The following NPIPB11 variants were observed in gnomAD, a reference collection of about 807,000 sequenced individuals.
The protein encoded by NPIPB11 is nuclear pore complex-interacting protein family member B11.
In NPIPB11, 17 loss-of-function variants were observed where a neutral mutation model predicts 32.8. The ratio of observed to expected loss-of-function variants is 0.52; its 90% CI spans 0.35 to 0.78. The LOEUF (loss-of-function observed/expected upper bound fraction) is 0.78. Among genes scored for constraint, NPIPB11 ranks in the 30% least tolerant of loss-of-function variants. The pLI is 0.01. For synonymous variants in NPIPB11, 209 were observed against 398.4 expected (o/e 0.52, Z 5.66); for missense variants, 537 against 1,000.4 (o/e 0.54, Z 6.25).
intron 5 of NPIPB11, 126 bp downstream of exon 5, chr16:29,389,815 A>C: frequency 6.6e-7 from 1 of 1,506,382 alleles, no homozygotes; most frequent in Non-Finnish European, 8.9e-7. Context: ...AGAAAGGACA[A>C]ACTCAATTTT....
At chr16:29,405,377 T>C (rs1376330958), upstream of NPIPB11, among the ~76,000 whole-genome samples, 1 of 152,116 alleles carries the variant, frequency 6.6e-6, no homozygotes, top group Non-Finnish European at 1.5e-5. Context: ...ATTCATGGTC[T>C]TGGGGACACA....
At chr16:29,393,977 C>A (rs749472192) in exon 3 of NPIPB11, 26 of 1,599,188 alleles carry the variant, frequency 1.6e-5, no homozygotes, top group Non-Finnish European at 2.2e-5. Context: ...AGGGTAATGA[C>A]AACTTTATAA....
intron 3 of NPIPB11, among the ~76,000 whole-genome samples, chr16:29,393,524 A>C (rs1963772615): frequency 6.6e-6 from 1 of 151,776 alleles, no homozygotes; most frequent in African/African-American, 2.4e-5. Flanking sequence ...TGCCTGTTCT[A>C]TGTTTTTCTT....
chr16:29,391,569 C>T (rs1963723456), intron 3 of NPIPB11, among the ~76,000 whole-genome samples: 1 of 150,986 alleles, frequency 6.6e-6, no homozygotes, highest in African/African-American at 2.4e-5. Flanking sequence ...AACATTCTCA[C>T]TAATGACTGA....
upstream of NPIPB11, among the ~76,000 whole-genome samples, chr16:29,406,607 G>A (rs559455389): frequency 7.2e-5 from 11 of 152,268 alleles, no homozygotes; most frequent in South Asian, 2.1e-4. Flanking sequence ...TCAGCTACTC[G>A]GGAGGCTGAG....
chr16:29,394,004 T>C lies in NPIPB11; in HGVS notation c.193A>G (p.Ile65Val). The C allele has an allele frequency of 2.5e-6, 4 of 1,599,374 alleles. No homozygotes were observed. The East Asian group carries it at 6.7e-5, about 27-fold the overall frequency. Reference sequence around the variant, plus strand: ...ACTTTATAACTTGTCGGAAACGCAATAATAATATGTAACCAAGGACTTCCA... The same window carrying C: ...ACTTTATAACTTGTCGGAAACGCAACAATAATATGTAACCAAGGACTTCCA... Residue 65 changes from isoleucine (I) to valine (V), a missense_variant, in exon 3 of 8, where the codon ATT becomes GTT. By Grantham distance (29) the Ile-to-Val change is conservative. Transcript: ENST00000524087.
At chr16:29,404,646 A>G (rs1964071688), upstream of NPIPB11, among the ~76,000 whole-genome samples, 1 of 151,100 alleles carries the variant, frequency 6.6e-6, no homozygotes, top group Non-Finnish European at 1.5e-5. Flanking sequence ...AAGACTGGGT[A>G]GTTCCGGCCT....
intron 2 of NPIPB11, among the ~76,000 whole-genome samples, chr16:29,400,002 A>G (rs3867587): frequency 3.6e-4 from 54 of 151,962 alleles, no homozygotes; most frequent in African/African-American, 1.0e-3. Flanking sequence ...CCTTGAACCC[A>G]GGAGGTGGAG....
chr16:29,397,681 A>G (rs1596681294), intron 2 of NPIPB11: 2 of 882,376 alleles, frequency 2.3e-6, no homozygotes, highest in African/African-American at 3.6e-5. Flanking sequence ...CGTCCAGGAC[A>G]GAGGTGGAGG....
chr16:29,400,907 A>G (rs985006881), intron 2 of NPIPB11, among the ~76,000 whole-genome samples: 3 of 151,710 alleles, frequency 2.0e-5, no homozygotes, highest in African/African-American at 7.3e-5. Context: ...TACCCCCACT[A>G]CCCCCACTAT....
chr16:29,405,758 C>T (rs1424237412), upstream of NPIPB11, among the ~76,000 whole-genome samples: 2 of 152,108 alleles, frequency 1.3e-5, no homozygotes, highest in Non-Finnish European at 2.9e-5. Flanking sequence ...TCCAAGAATG[C>T]CTCCTACACC....
chr16:29,398,706 A>C (rs958698601), intron 2 of NPIPB11, among the ~76,000 whole-genome samples: 2 of 150,084 alleles, frequency 1.3e-5, no homozygotes, highest in South Asian at 2.1e-4. Flanking sequence ...AAGTGCCCTT[A>C]TAAGACATAA....
intron 3 of NPIPB11, among the ~76,000 whole-genome samples, chr16:29,393,427 C>T (rs1217649820): frequency 6.6e-6 from 1 of 152,022 alleles, no homozygotes; most frequent in Non-Finnish European, 1.5e-5. Flanking sequence ...CCATCTATCT[C>T]CCTCTCCCCT....
intron 2 of NPIPB11, among the ~76,000 whole-genome samples, chr16:29,397,901 G>A (rs1446362970): frequency 4.9e-5 from 4 of 81,414 alleles, no homozygotes; most frequent in East Asian, 3.5e-4. Flanking sequence ...GTTCTCAAGC[G>A]CTGGTGGAAG....
intron 5 of NPIPB11, among the ~76,000 whole-genome samples, 152 bp downstream of exon 5, chr16:29,389,789 C>G (rs1367584244): frequency 6.6e-6 from 1 of 150,714 alleles, no homozygotes; most frequent in East Asian, 2.0e-4. Context: ...AATTATACAG[C>G]TTAAACTAAT....
chr16:29,406,593 A>G (rs1343169784), upstream of NPIPB11, among the ~76,000 whole-genome samples: 28 of 152,330 alleles, frequency 1.8e-4, no homozygotes, highest in African/African-American at 6.0e-4. Context: ...ACATGCCTGT[A>G]GTCTCAGCTA....
chr16:29,399,534 T>C (rs996669472), intron 2 of NPIPB11, among the ~76,000 whole-genome samples: 14 of 148,410 alleles, frequency 9.4e-5, no homozygotes, highest in African/African-American at 3.5e-4. Flanking sequence ...ACCCTGTCTC[T>C]AATAAAATAC....
chr16:29,390,029 C>T (rs2142123992), exon 5 of NPIPB11: 2 of 1,595,578 alleles, frequency 1.3e-6, no homozygotes, highest in East Asian at 2.2e-5. Flanking sequence ...TTAGCTCTAA[C>T]TTTTGTTTCC....
At chr16:29,392,114 A>C (rs1963737323) in intron 3 of NPIPB11, among the ~76,000 whole-genome samples, 1 of 151,488 alleles carries the variant, frequency 6.6e-6, no homozygotes, top group African/African-American at 2.4e-5. Flanking sequence ...TTTCGAGAGA[A>C]GCAATGGGTA....
Sources: allele counts gnomAD v4.1 joint callset (sites outside exome capture counted in the v4.1 genomes callset), GRCh38; gene constraint gnomAD v4.1.1; transcripts MANE v1.5; gene names NCBI Gene and HGNC (gene_info 2026-07-23, HGNC 2026-07-21).